ATAD2B: variants seen among roughly 807,000 people sequenced by gnomAD.
ATAD2B encodes ATPase family AAA domain containing 2B, also known as ATPase family AAA domain-containing protein 2B.
ATAD2B carries 40 observed loss-of-function variants against 167.6 expected under a neutral mutation model. That is an observed-to-expected ratio of 0.24 (90% CI 0.19 to 0.31). ATAD2B has a LOEUF of 0.31. Ranked by LOEUF, ATAD2B falls within the 10% of genes least tolerant of loss-of-function variation. The probability of loss-of-function intolerance (pLI) is 1.00; values close to 1 mark genes in which losing one functional copy is unlikely to be tolerated. For missense variants in ATAD2B, 1,242 were observed against 1,757.2 expected (o/e 0.71, Z 5.24); for synonymous variants, 579 against 596.5 (o/e 0.97, Z 0.43).
At chr2:23,807,926 ATT>A (rs1684756453) in intron 18 of ATAD2B, among the ~76,000 whole-genome samples, 1 of 131,134 alleles carries the variant, frequency 7.6e-6, no homozygotes, top group Non-Finnish European at 1.6e-5. Flanking sequence ...ATATAAATAT[ATT>A]TATAATATAT....
At chr2:23,835,403 G>C (rs573574968) in intron 13 of ATAD2B, among the ~76,000 whole-genome samples, 1 of 152,262 alleles carries the variant, frequency 6.6e-6, no homozygotes, top group African/African-American at 2.4e-5. Context: ...AAGGAAGCTA[G>C]ACACAAAAGG....
At chr2:23,696,274 G>A in the ATAD2B span, 1 of 1,519,204 alleles carries the variant, frequency 6.6e-7, no homozygotes, top group Non-Finnish European at 8.9e-7. This position sits in a 1 kb window ranked among gnomAD's most constrained non-coding sequence, Gnocchi z 5.5. Context: ...GGCTGGGCCT[G>A]CTGACCCCAG....
intron 12 of ATAD2B, 42 bp from the exon 13 acceptor site, chr2:23,857,545 C>A: frequency 1.0e-6 from 1 of 991,528 alleles, no homozygotes; most frequent in South Asian, 2.2e-5. Context: ...TATTTGTTTT[C>A]ATTTTTAAAA....
chr2:23,698,303 T>G, the ATAD2B span, among the ~76,000 whole-genome samples: 1 of 152,192 alleles, frequency 6.6e-6, no homozygotes, highest in Admixed American at 6.5e-5. Context: ...AGGGGCAGGA[T>G]GCAGGCTTGA....
chr2:23,747,253 G>A (rs1674940845), downstream of ATAD2B, among the ~76,000 whole-genome samples: 1 of 151,498 alleles, frequency 6.6e-6, no homozygotes, highest in Non-Finnish European at 1.5e-5. Flanking sequence ...ACTATGTAAT[G>A]CAGTACAAAA....
At chr2:23,768,328 G>C (rs1018985243) in intron 22 of ATAD2B, among the ~76,000 whole-genome samples, 1 of 152,050 alleles carries the variant, frequency 6.6e-6, no homozygotes, top group Non-Finnish European at 1.5e-5. Context: ...GAGCCCAGGA[G>C]TTTAAGACCA....
intron 18 of ATAD2B, among the ~76,000 whole-genome samples, chr2:23,804,711 T>C (rs1684076301): frequency 6.6e-6 from 1 of 151,642 alleles, no homozygotes; most frequent in African/African-American, 2.4e-5. Flanking sequence ...AATATATAGT[T>C]CACTACAATG....
chr2:23,703,903 G>A, the ATAD2B span: 3 of 1,516,830 alleles, frequency 2.0e-6, no homozygotes, highest in African/African-American at 1.4e-5. Flanking sequence ...TGGGACGGAG[G>A]AGTGGGAGGA....
chr2:23,912,757 G>A (rs529575661), intron 1 of ATAD2B, among the ~76,000 whole-genome samples: 15 of 152,092 alleles, frequency 9.9e-5, no homozygotes, highest in East Asian at 7.7e-4. Flanking sequence ...TTGGGAGGCC[G>A]AAGTAGGCAG....
chr2:23,922,658 C>T (rs887970842), intron 1 of ATAD2B, among the ~76,000 whole-genome samples: 2 of 144,264 alleles, frequency 1.4e-5, no homozygotes, highest in Non-Finnish European at 3.0e-5. Flanking sequence ...TTTAAGGCTG[C>T]AGTGAACCAC....
the ATAD2B span, among the ~76,000 whole-genome samples, chr2:23,722,653 T>A: frequency 6.6e-6 from 1 of 152,198 alleles, no homozygotes; most frequent in African/African-American, 2.4e-5. Context: ...GAGTAAAATG[T>A]ATTTAATGAA....
the ATAD2B span, among the ~76,000 whole-genome samples, chr2:23,684,820 CCT>C: frequency 0.014 from 2,081 of 152,280 alleles, 22 homozygotes; most frequent in Middle Eastern, 0.027. The surrounding 1 kb of genome is among the most constrained non-coding windows in gnomAD (Gnocchi z 4.4). Flanking sequence ...GTGCCCCACC[CCT>C]GAGATCCCAG....
the ATAD2B span, chr2:23,703,636 C>G: frequency 4.2e-6 from 6 of 1,438,698 alleles, no homozygotes; most frequent in African/African-American, 8.5e-5. Context: ...GAGCTTCCTT[C>G]CCTGGAGGGT....
chr2:23,684,626 G>A, the ATAD2B span: 3 of 1,190,620 alleles, frequency 2.5e-6, no homozygotes, highest in Non-Finnish European at 1.1e-6. The surrounding 1 kb of genome is among the most constrained non-coding windows in gnomAD (Gnocchi z 4.4). Flanking sequence ...GCAGGTTCCT[G>A]AAGCGTGACT....
chr2:23,893,671 T>G (rs1446175006), intron 2 of ATAD2B, among the ~76,000 whole-genome samples: 1 of 148,980 alleles, frequency 6.7e-6, no homozygotes, highest in Non-Finnish European at 1.5e-5. Flanking sequence ...AAAAAACTTT[T>G]TTTTTTTTTT....
chr2:23,688,059 G>C, the ATAD2B span, among the ~76,000 whole-genome samples: 3 of 152,168 alleles, frequency 2.0e-5, no homozygotes, highest in Admixed American at 2.0e-4. Context: ...CCCTGAGCAT[G>C]TGTGGGTGGC....
chr2:23,853,349 G>C (rs1692873965), intron 13 of ATAD2B, among the ~76,000 whole-genome samples: 1 of 152,166 alleles, frequency 6.6e-6, no homozygotes, highest in Non-Finnish European at 1.5e-5. Flanking sequence ...ATAGCTAATA[G>C]AACTAACAAA....
rs1682903542 is a variant in ATAD2B, at chr2:23,798,194, A to G, written c.2584T>C (p.Ser862Pro). 1 of 1,605,712 alleles carries G rather than the reference A, an allele frequency of 6.2e-7. No individual in the cohort carries two copies. The highest frequency in any genetic ancestry group is 8.5e-7 in the Non-Finnish European group (1 of 1,174,334). Residue 862 changes from serine to proline, a missense_variant, in exon 19 of 28, where the codon TCA (serine) becomes CCA (proline). Around this residue, in one of 9 missense-constraint regions of ATAD2B, gnomAD observed 34 missense variants for 101.1 expected, o/e 0.34. Transcript: ENST00000238789. ...LTLLQDIPSF[S>P]PIFLLSTSET... ...GAGGTAGACAATAAAAATATAGGTG[A>G]AAATGATGGTATATCTTGTAGCAAT...
chr2:23,795,193 T>C (rs1682410222), intron 19 of ATAD2B, among the ~76,000 whole-genome samples: 1 of 152,270 alleles, frequency 6.6e-6, no homozygotes, highest in Admixed American at 6.5e-5. Context: ...CTATAACTTT[T>C]ATATCCACAG....
Sources: allele counts gnomAD v4.1 joint callset (sites outside exome capture counted in the v4.1 genomes callset), GRCh38; gene constraint gnomAD v4.1.1; regional missense constraint gnomAD v4.1.1; non-coding constraint Gnocchi (gnomAD v3.1); transcripts MANE v1.5; gene names NCBI Gene and HGNC (gene_info 2026-07-23, HGNC 2026-07-21).